Variants in TRIM2 observed in about 807,000 individuals in gnomAD.
The protein encoded by TRIM2 is tripartite motif containing 2.
A neutral mutation model predicts 75.2 loss-of-function variants in TRIM2; 20 were observed. The ratio of observed to expected loss-of-function variants is 0.27; its 90% confidence interval spans 0.19 to 0.39. The LOEUF is 0.39. Among genes scored for constraint, TRIM2 ranks in the 10% least tolerant of loss-of-function variants. The pLI, the probability that TRIM2 is intolerant of heterozygous loss-of-function variation, is 1.00. For synonymous variants in TRIM2, 373 were observed against 388.3 expected, an observed-to-expected ratio of 0.96 and a Z score of 0.46; for missense variants, 660 against 990.8, an observed-to-expected ratio of 0.67 and a Z score of 4.48.
At chr4:153,233,182 AG>A (rs1396495279) in intron 1 of TRIM2, among the ~76,000 whole-genome samples, 1 of 152,188 alleles carries the variant, frequency 6.6e-6, no homozygotes, top group Non-Finnish European at 1.5e-5. Flanking sequence ...GAAATGGTAA[AG>A]TTCTCTACTT....
intron 1 of TRIM2, among the ~76,000 whole-genome samples, chr4:153,164,169 C>T (rs1730049154): frequency 6.6e-6 from 1 of 152,090 alleles, no homozygotes; most frequent in African/African-American, 2.4e-5. Context: ...GACAGGGTCT[C>T]CCTCTGTCAC....
intron 10 of TRIM2, 140 bp downstream of exon 10, chr4:153,324,288 C>T (rs1276926248): frequency 1.8e-5 from 11 of 610,488 alleles, no homozygotes; most frequent in South Asian, 1.5e-4. Context: ...TCAAAGATGC[C>T]GGTTTTAACT....
chr4:153,255,242 C>T (rs966984314), intron 1 of TRIM2, among the ~76,000 whole-genome samples: 7 of 152,198 alleles, frequency 4.6e-5, no homozygotes, highest in Non-Finnish European at 1.0e-4. Context: ...CTCAACAAGT[C>T]TTCATTGGAA....
At chr4:153,179,021 C>A (rs555863952) in intron 1 of TRIM2, among the ~76,000 whole-genome samples, 1 of 152,086 alleles carries the variant, frequency 6.6e-6, no homozygotes, top group Non-Finnish European at 1.5e-5. Context: ...GAGACCTCAT[C>A]TCTACAAAAA....
Position 153,338,456 on chromosome 4 carries a change from C to T in TRIM2, c.*3490C>T. The T allele has an allele frequency of 1.0e-6, 1 of 985,694 alleles. No homozygotes were observed. Among genetic ancestry groups the T allele is most frequent in the Non-Finnish European group, 1.2e-6 (1 of 829,862 alleles). The allele number at this position is 985,694 out of a possible 1,614,324, so 61.1% of individuals were successfully genotyped here. A position where few individuals can be genotyped will look rare whatever the true frequency, so the allele number is the denominator to read the frequency against. ...AAAAATGAAAGCTATTTCATGCAAA[C>T]ATTATCTAATTTAGCTTAAAAGTGA... On this transcript the variant is annotated 3_prime_UTR_variant, in exon 12 of 12. Coordinates refer to ENST00000338700, the MANE Select transcript of TRIM2 (RefSeq NM_015271.5).
intron 1 of TRIM2, among the ~76,000 whole-genome samples, chr4:153,156,055 A>G (rs1259586390): frequency 1.3e-5 from 2 of 152,222 alleles, no homozygotes; most frequent in Non-Finnish European, 2.9e-5. Flanking sequence ...CCAGATCTTT[A>G]GAGGTTGGCA....
chr4:153,253,195 G>A (rs13108085), intron 1 of TRIM2, among the ~76,000 whole-genome samples: 47,535 of 152,070 alleles, frequency 0.31, 7,713 homozygotes, highest in African/African-American at 0.39. Context: ...ACCAGGGGCA[G>A]GAGGCAGGAG....
chr4:153,284,801 G>A (rs536516287), intron 3 of TRIM2, among the ~76,000 whole-genome samples: 1 of 152,190 alleles, frequency 6.6e-6, no homozygotes, highest in African/African-American at 2.4e-5. Context: ...TTATCTTTTT[G>A]TTGTTGAGTT....
chr4:153,272,356 G>A (rs1756920331), intron 2 of TRIM2, among the ~76,000 whole-genome samples: 1 of 152,106 alleles, frequency 6.6e-6, no homozygotes, highest in African/African-American at 2.4e-5. Context: ...CACTGTGTTA[G>A]CCAGAATGGT....
rs190617126 is a variant in TRIM2, at chr4:153,252,384, A to G, written c.31-17951A>G. On this transcript the variant is annotated intron_variant, in intron 1 of 11. Transcript: ENST00000338700. The stretch of plus-strand genomic sequence containing the variant: ...AAGACCTGGACTCTAGTTCACCTCT[A>G]TTACATTATGGTTACTCCATCCTGG... Among the ~76,000 whole-genome samples the G allele has an allele frequency of 3.2e-3, 482 of 152,258 alleles. 1 individual carries two copies. Among genetic ancestry groups the G allele is most frequent in the African/African-American group, 0.011 (455 of 41,552 alleles).
intron 1 of TRIM2, among the ~76,000 whole-genome samples, chr4:153,239,834 C>CTTTTTTTTTTTTTTTT: frequency 8.5e-6 from 1 of 117,700 alleles, no homozygotes. Context: ...CTTTCTTTCT[C>CTTTTTTTTTTTTTTTT]TTTTTTTTTT....
intron 8 of TRIM2, among the ~76,000 whole-genome samples, chr4:153,319,039 C>G (rs536459924): frequency 6.6e-5 from 10 of 152,256 alleles, no homozygotes; most frequent in South Asian, 2.1e-4. Context: ...AGTGGAATAT[C>G]CACAGGTATA....
At chr4:153,194,017 G>A (rs1733506897) in intron 1 of TRIM2, among the ~76,000 whole-genome samples, 1 of 152,182 alleles carries the variant, frequency 6.6e-6, no homozygotes, top group South Asian at 2.1e-4. Context: ...ACTGAATGAG[G>A]CGTCCACTGA....
intron 2 of TRIM2, among the ~76,000 whole-genome samples, chr4:153,273,442 ATTTTTTTTTTTTT>A (rs11459214): frequency 1.3e-5 from 1 of 77,676 alleles, no homozygotes; most frequent in African/African-American, 7.7e-5. Context: ...CGCCCGGCTA[ATTTTTTTTTTTTT>A]TTTTTTTTTT....
At chr4:153,254,970 A>G (rs1252817036) in intron 1 of TRIM2, among the ~76,000 whole-genome samples, 2 of 152,108 alleles carry the variant, frequency 1.3e-5, no homozygotes, top group Non-Finnish European at 2.9e-5. Flanking sequence ...GGTCCCATGA[A>G]CCATCTCATG....
chr4:153,247,113 G>A (rs1749386131), intron 1 of TRIM2, among the ~76,000 whole-genome samples: 1 of 152,146 alleles, frequency 6.6e-6, no homozygotes, highest in Non-Finnish European at 1.5e-5. Context: ...TGGCTCTAAG[G>A]GAGAGATGCT....
intron 1 of TRIM2, among the ~76,000 whole-genome samples, chr4:153,164,974 A>G (rs1006127873): frequency 6.6e-6 from 1 of 151,190 alleles, no homozygotes; most frequent in East Asian, 1.9e-4. Context: ...TAGATTTTCT[A>G]TGGGTTTATT....
intron 6 of TRIM2, chr4:153,308,816 G>A (rs1765597197): frequency 4.7e-6 from 2 of 426,508 alleles, no homozygotes; most frequent in Non-Finnish European, 9.3e-6. Flanking sequence ...CAGATGCTGA[G>A]CTGAAAATAT....
chr4:153,230,373 G>A (rs1743298356), intron 1 of TRIM2, among the ~76,000 whole-genome samples: 1 of 152,010 alleles, frequency 6.6e-6, no homozygotes. Flanking sequence ...TGCAGGACAG[G>A]GTTTTGACAT....
Sources: gnomAD v4.1 joint callset for allele counts (sites outside exome capture counted in the v4.1 genomes callset) on GRCh38, gnomAD v4.1.1 for gene constraint, MANE v1.5 for transcripts, NCBI Gene and HGNC (gene_info 2026-07-23, HGNC 2026-07-21) for gene names.